The following NRXN3 variants were observed in gnomAD, a reference collection of about 807,000 sequenced individuals.
NRXN3 encodes the protein neurexin 3.
A neutral mutation model predicts 137.6 loss-of-function variants in NRXN3; 32 were observed. That is an observed-to-expected ratio of 0.23 (90% CI 0.18 to 0.31). The LOEUF (loss-of-function observed/expected upper bound fraction) is 0.31, where lower values mean the gene tolerates loss of function less well. NRXN3 is among the 10% of genes least tolerant of loss of function. The pLI is 1.00. For synonymous variants in NRXN3, 798 were observed against 784.5 expected (o/e 1.02, Z -0.29); for missense variants, 1,574 against 2,062.5 (o/e 0.76, Z 4.59).
intron 15 of NRXN3, among the ~76,000 whole-genome samples, chr14:79,258,356 C>G (rs941724197): frequency 3.3e-5 from 5 of 152,154 alleles, no homozygotes; most frequent in Non-Finnish European, 7.4e-5. Flanking sequence ...AGGTGCGCAC[C>G]ACCACACCTG....
chr14:79,089,079 T>A (rs1227901560), intron 15 of NRXN3, among the ~76,000 whole-genome samples: 1 of 152,124 alleles, frequency 6.6e-6, no homozygotes, highest in Non-Finnish European at 1.5e-5. Flanking sequence ...CAACTCCTTC[T>A]TGAGCTTCTT....
At chr14:78,256,812 C>T (rs1413013032) in intron 2 of NRXN3, among the ~76,000 whole-genome samples, 1 of 152,186 alleles carries the variant, frequency 6.6e-6, no homozygotes, top group African/African-American at 2.4e-5. Flanking sequence ...ATTTTTCTTT[C>T]TCATGGGGAA....
rs185707769 is a variant in NRXN3 at position 78,900,091 on chromosome 14, A to G, written c.2276-57151A>G. On this transcript the variant is annotated intron_variant, in intron 10 of 20. Transcript: ENST00000335750. ...TAATCTTTCTCCATCCAAAGAAACT[A>G]CAATGACTGACACTAACATTTTTGA... 5.1e-4 allele frequency among the ~76,000 whole-genome samples: 77 copies of G among 152,194 alleles called. 1 individual carries two copies. Among genetic ancestry groups the G allele is most frequent in the Middle Eastern group, 3.4e-3 (1 of 294 alleles).
chr14:79,850,938 T>G (rs547914721), intron 20 of NRXN3, among the ~76,000 whole-genome samples: 2 of 152,328 alleles, frequency 1.3e-5, no homozygotes, highest in Admixed American at 1.3e-4. Flanking sequence ...GTTTAAAAAA[T>G]ACACATATGA....
At chr14:79,659,079 T>C (rs575516929) in intron 16 of NRXN3, among the ~76,000 whole-genome samples, 2 of 152,112 alleles carry the variant, frequency 1.3e-5, no homozygotes, top group Admixed American at 6.5e-5. Flanking sequence ...TGATTGAGGA[T>C]AGGGCAGCTG....
intron 4 of NRXN3, among the ~76,000 whole-genome samples, chr14:78,521,383 C>T (rs1400302202): frequency 6.6e-6 from 1 of 152,090 alleles, no homozygotes; most frequent in East Asian, 1.9e-4. Context: ...TTAATGCGGG[C>T]CATTTAGATA....
At chr14:78,921,042 A>G (rs2099269641) in intron 10 of NRXN3, among the ~76,000 whole-genome samples, 1 of 152,216 alleles carries the variant, frequency 6.6e-6, no homozygotes, top group Non-Finnish European at 1.5e-5. Context: ...CCCAGATGTC[A>G]GGGACGGGGA....
intron 15 of NRXN3, among the ~76,000 whole-genome samples, chr14:79,367,593 AAG>A: frequency 6.6e-6 from 1 of 152,318 alleles, no homozygotes; most frequent in South Asian, 2.1e-4. Context: ...AAGAAAGAAT[AAG>A]AACTAATGTT....
intron 4 of NRXN3, among the ~76,000 whole-genome samples, chr14:78,580,776 A>G (rs576045694): frequency 1.3e-4 from 20 of 152,334 alleles, no homozygotes; most frequent in African/African-American, 4.8e-4. Context: ...TGATCATTGT[A>G]CAAAAGAAAA....
At chr14:79,808,161 C>CGGGAGGCAGAGGTTGCA (rs1425751423) in intron 20 of NRXN3, among the ~76,000 whole-genome samples, 47 of 151,046 alleles carry the variant, frequency 3.1e-4, no homozygotes, top group African/African-American at 9.2e-4. Flanking sequence ...TGCTTGAACC[C>CGGGAGGCAGAGGTTGCA]GGGAGGCAGA....
chr14:78,640,618 T>C (rs1601751962), intron 4 of NRXN3, among the ~76,000 whole-genome samples: 1 of 152,334 alleles, frequency 6.6e-6, no homozygotes, highest in African/African-American at 2.4e-5. Context: ...CAGAATTAAG[T>C]AAATGCTTAT....
intron 14 of NRXN3, among the ~76,000 whole-genome samples, chr14:78,977,652 C>T (rs1316279420): frequency 6.6e-6 from 1 of 152,154 alleles, no homozygotes; most frequent in African/African-American, 2.4e-5. Context: ...ACCCTACCTG[C>T]AGCAAGTATC....
At chr14:79,358,605 AAG>A (rs761224624) in intron 15 of NRXN3, among the ~76,000 whole-genome samples, 2,136 of 26,748 alleles carry the variant, frequency 0.08, 47 homozygotes, top group Admixed American at 0.22. Flanking sequence ...GAAAGAAAGA[AAG>A]AGAAAGAAAG....
chr14:79,256,829 C>T (rs1346107636), intron 15 of NRXN3, among the ~76,000 whole-genome samples: 1 of 152,128 alleles, frequency 6.6e-6, no homozygotes, highest in African/African-American at 2.4e-5. Flanking sequence ...AAAGAGTAGG[C>T]AGACCTCTGT....
At chr14:78,933,139 C>T (rs573296194) in intron 10 of NRXN3, among the ~76,000 whole-genome samples, 4 of 152,236 alleles carry the variant, frequency 2.6e-5, no homozygotes, top group Non-Finnish European at 4.4e-5. Context: ...TACTTCTCTG[C>T]CTCCAACACT....
intron 4 of NRXN3, among the ~76,000 whole-genome samples, chr14:78,580,415 A>G (rs1163380936): frequency 6.6e-6 from 1 of 152,150 alleles, no homozygotes; most frequent in Non-Finnish European, 1.5e-5. Context: ...TCATGGACTC[A>G]CTTCTCCCAT....
chr14:79,362,963 G>C (rs541030958), intron 15 of NRXN3, among the ~76,000 whole-genome samples: 55 of 151,854 alleles, frequency 3.6e-4, no homozygotes, highest in African/African-American at 1.2e-3. Context: ...GCATGTGATA[G>C]ATAGAAATGG....
chr14:79,753,422 G>C (rs1010042851), intron 19 of NRXN3, among the ~76,000 whole-genome samples: 2 of 151,896 alleles, frequency 1.3e-5, no homozygotes, highest in East Asian at 3.9e-4. Context: ...CCTTTGTAGG[G>C]ACATGGATGA....
intron 1 of NRXN3, among the ~76,000 whole-genome samples, chr14:78,215,054 G>A (rs1251565481): frequency 1.3e-5 from 2 of 152,192 alleles, no homozygotes; most frequent in Non-Finnish European, 2.9e-5. Flanking sequence ...ATGTGAAAGA[G>A]TGCTCTTTTG....
Sources: allele counts gnomAD v4.1 joint callset (sites outside exome capture counted in the v4.1 genomes callset), GRCh38; gene constraint gnomAD v4.1.1; transcripts MANE v1.5; gene names NCBI Gene and HGNC (gene_info 2026-07-23, HGNC 2026-07-21).